KHDRBS2: variants seen among roughly 807,000 people sequenced by gnomAD.
KHDRBS2 encodes KH domain-containing, RNA-binding, signal transduction-associated protein 2.
A neutral mutation model predicts 44.3 loss-of-function variants in KHDRBS2; 26 were observed. The observed-to-expected ratio is 0.59, with a 90% CI of 0.43 to 0.81. The LOEUF (loss-of-function observed/expected upper bound fraction) is 0.81, where lower values mean the gene tolerates loss of function less well. Ranked by LOEUF, KHDRBS2 falls within the 40% of genes least tolerant of loss-of-function variation. The pLI, the probability that KHDRBS2 is intolerant of heterozygous loss-of-function variation, is 0.00. For missense variants in KHDRBS2, 476 were observed against 433.1 expected (o/e 1.10, Z -0.88); for synonymous variants, 194 against 151.1 (o/e 1.28, Z -2.08).
chr6:61,592,337 G>C, the KHDRBS2 span, among the ~76,000 whole-genome samples: 1 of 152,134 alleles, frequency 6.6e-6, no homozygotes, highest in South Asian at 2.1e-4. Context: ...TGAGGTTACA[G>C]TAAAAATAAG....
chr6:61,816,993 G>A, intron 6 of KHDRBS2: 1 of 455,816 alleles, frequency 2.2e-6, no homozygotes. Flanking sequence ...AACAAGGAAA[G>A]TGGTAATGAT....
At chr6:61,790,973 C>CAA (rs1355092794) in intron 6 of KHDRBS2, among the ~76,000 whole-genome samples, 2 of 151,256 alleles carry the variant, frequency 1.3e-5, no homozygotes, top group East Asian at 3.9e-4. Context: ...ATTTTTAGTT[C>CAA]TTCTTTAGCC....
intron 3 of KHDRBS2, among the ~76,000 whole-genome samples, chr6:62,037,527 TA>T (rs1785541152): frequency 1.3e-5 from 2 of 151,064 alleles, no homozygotes; most frequent in Non-Finnish European, 3.0e-5. Flanking sequence ...ATGATAGAAA[TA>T]AAATACTGCA....
intron 1 of KHDRBS2, among the ~76,000 whole-genome samples, chr6:62,224,079 C>A (rs750286279): frequency 1.3e-5 from 2 of 152,110 alleles, no homozygotes; most frequent in African/African-American, 4.8e-5. Context: ...CTGATAAAGA[C>A]ATACTGGAGA....
chr6:61,811,766 G>A (rs1788157504), intron 6 of KHDRBS2, among the ~76,000 whole-genome samples: 1 of 151,658 alleles, frequency 6.6e-6, no homozygotes, highest in Admixed American at 6.6e-5. Context: ...TTTTATAGTT[G>A]GCTTTTACAT....
intron 2 of KHDRBS2, among the ~76,000 whole-genome samples, chr6:62,086,449 GT>G (rs1798393881): frequency 6.6e-6 from 1 of 152,134 alleles, no homozygotes; most frequent in Non-Finnish European, 1.5e-5. Flanking sequence ...TAGAAATTTG[GT>G]TTTTAGATAT....
chr6:62,010,022 T>G (rs1345367410), intron 3 of KHDRBS2, among the ~76,000 whole-genome samples: 2 of 151,992 alleles, frequency 1.3e-5, no homozygotes, highest in Non-Finnish European at 1.5e-5. Flanking sequence ...CCCAGAATGG[T>G]AGGTCCATTG....
At chr6:61,561,508 G>T in the KHDRBS2 span, among the ~76,000 whole-genome samples, 1 of 152,094 alleles carries the variant, frequency 6.6e-6, no homozygotes, top group African/African-American at 2.4e-5. Context: ...GAAACCTTAG[G>T]TACCTACTTG....
chr6:61,574,391 A>T, the KHDRBS2 span: 2 of 1,525,062 alleles, frequency 1.3e-6, no homozygotes, highest in Non-Finnish European at 1.8e-6. Context: ...GCCCGTGAAG[A>T]GGCGGACATA....
At chr6:62,283,905 T>G (rs1309555812) in intron 1 of KHDRBS2, among the ~76,000 whole-genome samples, 1 of 152,154 alleles carries the variant, frequency 6.6e-6, no homozygotes, top group African/African-American at 2.4e-5. Flanking sequence ...TCTCTTTTCC[T>G]CATTCTGATT....
intron 3 of KHDRBS2, among the ~76,000 whole-genome samples, chr6:61,986,060 G>A (rs1775002547): frequency 6.6e-6 from 1 of 152,124 alleles, no homozygotes; most frequent in African/African-American, 2.4e-5. Context: ...ATCTAGATTT[G>A]AATTAATAGC....
chr6:61,853,573 G>A (rs1317527744), intron 6 of KHDRBS2, among the ~76,000 whole-genome samples: 5 of 152,140 alleles, frequency 3.3e-5, no homozygotes. Flanking sequence ...AAAAGGAAAG[G>A]TTGCTTAAGC....
chr6:62,259,641 T>A (rs1314207042), intron 1 of KHDRBS2, among the ~76,000 whole-genome samples: 3 of 151,980 alleles, frequency 2.0e-5, no homozygotes, highest in Non-Finnish European at 4.4e-5. Flanking sequence ...ATTTCTCGAT[T>A]GAAAATAATA....
At chr6:61,596,868 T>C in the KHDRBS2 span, among the ~76,000 whole-genome samples, 5 of 152,128 alleles carry the variant, frequency 3.3e-5, no homozygotes, top group South Asian at 1.0e-3. Flanking sequence ...GCCAGGATGG[T>C]CTCAATCTCT....
At chr6:61,626,886 G>T in the KHDRBS2 span, among the ~76,000 whole-genome samples, 7 of 151,530 alleles carry the variant, frequency 4.6e-5, no homozygotes, top group African/African-American at 1.7e-4. Context: ...TTTTTTTGGA[G>T]TTTCATCTGC....
At chr6:61,807,536 G>T (rs1787365821) in intron 6 of KHDRBS2, among the ~76,000 whole-genome samples, 1 of 151,932 alleles carries the variant, frequency 6.6e-6, no homozygotes, top group Non-Finnish European at 1.5e-5. Flanking sequence ...GATGGAGCTG[G>T]GCGCTATTAT....
the KHDRBS2 span, among the ~76,000 whole-genome samples, chr6:61,553,183 A>G: frequency 6.6e-6 from 1 of 151,992 alleles, no homozygotes; most frequent in Admixed American, 6.6e-5. Context: ...TCAAATTTTG[A>G]ACTTATGATT....
the KHDRBS2 span, among the ~76,000 whole-genome samples, chr6:61,546,055 C>T: frequency 6.6e-6 from 1 of 152,022 alleles, no homozygotes; most frequent in African/African-American, 2.4e-5. Context: ...AATACAGTCT[C>T]TCTAAATATT....
chr6:61,852,562 CAAA>C (rs773776834), intron 6 of KHDRBS2, among the ~76,000 whole-genome samples: 3 of 70,200 alleles, frequency 4.3e-5, no homozygotes, highest in African/African-American at 5.7e-5. Context: ...GACTCCGTCT[CAAA>C]AAAAAAAAAA....
Sources: gnomAD v4.1 joint callset for allele counts (sites outside exome capture counted in the v4.1 genomes callset) on GRCh38, gnomAD v4.1.1 for gene constraint, MANE v1.5 for transcripts, NCBI Gene and HGNC (gene_info 2026-07-23, HGNC 2026-07-21) for gene names.